Variants in OR2Z1 observed in about 807,000 individuals in gnomAD.
OR2Z1 encodes olfactory receptor family 2 subfamily Z member 1.
For synonymous variants in OR2Z1, 188 were observed against 160.6 expected, an observed-to-expected ratio of 1.17 and a Z score of -1.29; for missense variants, 449 against 401.8, an observed-to-expected ratio of 1.12 and a Z score of -1.00.
At chr19:8,728,888 C>T (rs1555756423) in intron 2 of OR2Z1, 2 of 650,924 alleles carry the variant, frequency 3.1e-6, no homozygotes, top group Admixed American at 1.8e-5. Flanking sequence ...TGATCTGGTG[C>T]TTGTTGGCTT....
At chr19:8,725,997 C>T (rs1436691906) in intron 2 of OR2Z1, among the ~76,000 whole-genome samples, 2 of 152,000 alleles carry the variant, frequency 1.3e-5, no homozygotes, top group Non-Finnish European at 2.9e-5. Flanking sequence ...GACGGAGTCT[C>T]ACTCTGTGCC....
chr19:8,730,291 T>G (rs1016190682), intron 2 of OR2Z1, among the ~76,000 whole-genome samples: 3 of 152,186 alleles, frequency 2.0e-5, no homozygotes, highest in Non-Finnish European at 2.9e-5. Context: ...TTACTTAGCT[T>G]GTTGCTTCAG....
Position 8,732,029 on chromosome 19 carries a change from A to C in OR2Z1, c.*56A>C. On this transcript the variant is annotated 3_prime_UTR_variant, in exon 3 of 3. Transcript: ENST00000641125. ...GGTCCTCGATCCCACCCACCTTCCC[A>C]AAGTATGCATTTGGCATTCAATTGC... 7.3e-7 allele frequency: 1 copy of C among 1,376,004 alleles called. No individual in the cohort carries two copies. The highest frequency in any genetic ancestry group is 1.0e-6 in the Non-Finnish European group (1 of 993,868). 85.2% of individuals were successfully genotyped at this position (1,376,004 alleles called of 1,614,324 possible).
rs1021497952 is a variant in OR2Z1, at chr19:8,730,825, G to T, written c.-169-35G>T. 7 of 598,616 alleles carry T rather than the reference G, an allele frequency of 1.2e-5. 1 individual carries two copies. The Admixed American group carries it at 2.1e-4, about 18-fold the overall frequency. 37.1% of individuals were successfully genotyped at this position (598,616 alleles called of 1,614,324 possible). A position where few individuals can be genotyped will look rare whatever the true frequency, so the allele number is the denominator to read the frequency against. ...TGCTTCTTTCCCATCCCATGCCTTG[G>T]ATAGACACTAACTGATTAAGTTTTC... On this transcript the variant is annotated intron_variant, in intron 2 of 2. Coordinates refer to ENST00000641125, the MANE Select transcript of OR2Z1 (RefSeq NM_001004699.3).
At chr19:8,730,802 C>T (rs2043349136) in intron 2 of OR2Z1, 58 bp from the exon 3 acceptor site, 3 of 580,522 alleles carry the variant, frequency 5.2e-6, no homozygotes, top group Non-Finnish European at 9.2e-6. Flanking sequence ...ATGCCAGCTG[C>T]TTCTTTCCCA....
intron 2 of OR2Z1, among the ~76,000 whole-genome samples, chr19:8,729,388 G>A (rs1384649589): frequency 6.7e-6 from 1 of 150,018 alleles, no homozygotes; most frequent in Non-Finnish European, 1.5e-5. Flanking sequence ...CTCCAGTTGC[G>A]TCCATGTCAC....
At position 8,729,090 on chromosome 19, in the gene OR2Z1, C is replaced by A. The variant is rs182484859; in HGVS notation, c.-169-1770C>A. 7 of 1,146,006 alleles carry A rather than the reference C, an allele frequency of 6.1e-6. No individual in the cohort carries two copies. The African/African-American group carries it at 7.6e-5, about 12-fold the overall frequency. The allele number at this position is 1,146,006 out of a possible 1,614,324, so 71.0% of individuals were successfully genotyped here. ...CTGGAAGGTGGGTGACATGTGGGAT[C>A]TTTTTTTTAGTGGCTGTGGACACCT... On this transcript the variant is annotated intron_variant, in intron 2 of 2. Coordinates refer to ENST00000641125, the MANE Select transcript of OR2Z1 (RefSeq NM_001004699.3).
At chr19:8,725,297 C>G (rs1021967103) in intron 2 of OR2Z1, among the ~76,000 whole-genome samples, 42 of 152,074 alleles carry the variant, frequency 2.8e-4, no homozygotes, top group Non-Finnish European at 3.8e-4. Flanking sequence ...GGCCGGAATA[C>G]AGTGGAATGA....
chr19:8,724,726 G>A (rs889368614), intron 2 of OR2Z1, among the ~76,000 whole-genome samples: 6 of 152,010 alleles, frequency 3.9e-5, no homozygotes, highest in African/African-American at 1.2e-4. Flanking sequence ...ATTATCCACC[G>A]ACAGACTTCT....
chr19:8,722,186 T>G (rs1487958369), intron 1 of OR2Z1, 144 bp downstream of exon 1: 1 of 151,468 alleles, frequency 6.6e-6, no homozygotes, highest in African/African-American at 2.4e-5. Flanking sequence ...ATGTGAGAAA[T>G]AAATAAATAA....
chr19:8,732,078 T>C lies in OR2Z1; in HGVS notation c.*105T>C, dbSNP rs930414351. The C allele has an allele frequency of 1.0e-5, 9 of 858,152 alleles. No individual in the cohort carries two copies. The highest frequency in any genetic ancestry group is 8.0e-5 in the Admixed American group (3 of 37,554). The allele number at this position is 858,152 out of a possible 1,614,324, so 53.2% of individuals were successfully genotyped here. ...GCCAATTTGTGCAACTGGCCAAATA[T>C]CCAGCCATTGCCCAAGGTGCAACTT... On this transcript the variant is annotated 3_prime_UTR_variant, in exon 3 of 3. Transcript: ENST00000641125.
At chr19:8,726,476 A>G (rs2145077493) in intron 2 of OR2Z1, among the ~76,000 whole-genome samples, 1 of 152,328 alleles carries the variant, frequency 6.6e-6, no homozygotes, top group African/African-American at 2.4e-5. Flanking sequence ...ACCTGTCTCA[A>G]GAGGCTTCCC....
intron 2 of OR2Z1, among the ~76,000 whole-genome samples, chr19:8,726,181 G>T (rs1463373633): frequency 6.6e-6 from 1 of 152,146 alleles, no homozygotes; most frequent in Non-Finnish European, 1.5e-5. Flanking sequence ...TGACCAGGCT[G>T]GTTGCAAACT....
rs2043319674 is a variant in OR2Z1, at chr19:8,724,407, T to G, written c.-170+1257T>G. 2.0e-5 allele frequency among the ~76,000 whole-genome samples: 3 copies of G among 152,160 alleles called. No homozygotes were observed. In the South Asian group the frequency reaches 6.2e-4, roughly 32 times the overall value. On this transcript the variant is annotated intron_variant, in intron 2 of 2. Coordinates refer to ENST00000641125, the MANE Select transcript of OR2Z1 (RefSeq NM_001004699.3). ...TGTGCCACCATGCCTGGCTAATTTT[T>G]CTATTTCTTGTAGAGTCGGGATCTT...
chr19:8,727,224 G>C (rs560088514), intron 2 of OR2Z1, among the ~76,000 whole-genome samples: 23 of 152,274 alleles, frequency 1.5e-4, no homozygotes, highest in African/African-American at 5.5e-4. Context: ...GATTACAGAC[G>C]TGAGTCAGTG....
chr19:8,731,000 T>C lies in OR2Z1; in HGVS notation c.-29T>C, dbSNP rs1157560315. ...CTTCTTGCCATAGTTCAGCTGTTCT[T>C]CCTGCAGCTAAAGTGCATTGTGTAA... On this transcript the variant is annotated 5_prime_UTR_variant, in exon 3 of 3. Coordinates refer to ENST00000641125, the MANE Select transcript of OR2Z1 (RefSeq NM_001004699.3). The C allele has an allele frequency of 6.3e-7, 1 of 1,575,780 alleles. No individual in the cohort carries two copies. The highest frequency in any genetic ancestry group is 2.2e-5 in the East Asian group (1 of 44,622).
chr19:8,729,669 C>A (rs1555756525), intron 2 of OR2Z1, among the ~76,000 whole-genome samples: 1 of 152,046 alleles, frequency 6.6e-6, no homozygotes, highest in Non-Finnish European at 1.5e-5. Flanking sequence ...CGGCTCACTG[C>A]AACCTCCGCC....
intron 1 of OR2Z1, among the ~76,000 whole-genome samples, 182 bp downstream of exon 1, chr19:8,722,224 G>A (rs2043310470): frequency 6.7e-6 from 1 of 149,650 alleles, no homozygotes; most frequent in Non-Finnish European, 1.5e-5. Flanking sequence ...ATTTTATTAA[G>A]TAAATTATAT....
rs1262526352 is a variant in OR2Z1 at position 8,728,946 on chromosome 19, ATGG to A, written c.-169-1910_-169-1908del. The A allele has an allele frequency of 8.8e-6, 6 of 678,420 alleles. No homozygotes were observed. The Admixed American group carries it at 1.1e-4, about 12-fold the overall frequency. The allele number at this position is 678,420 out of a possible 1,614,324, so 42.0% of individuals were successfully genotyped here. A position where few individuals can be genotyped will look rare whatever the true frequency, so the allele number is the denominator to read the frequency against. On this transcript the variant is annotated intron_variant, in intron 2 of 2. Transcript: ENST00000641125. The stretch of plus-strand genomic sequence containing the variant: ...TGTGTCATTGTCTTCTATCTTCTTG[ATGG>A]TGGACTCAGTGGTCAGCGGCAACGT...
Sources: gnomAD v4.1 joint callset for allele counts (sites outside exome capture counted in the v4.1 genomes callset) on GRCh38, gnomAD v4.1.1 for gene constraint, MANE v1.5 for transcripts, NCBI Gene and HGNC (gene_info 2026-07-23, HGNC 2026-07-21) for gene names.